DNAJC1: variants seen among roughly 807,000 people sequenced by gnomAD.
The protein encoded by DNAJC1 is DnaJ heat shock protein family (Hsp40) member C1, also known as dnaJ homolog subfamily C member 1.
DNAJC1 carries 58 observed loss-of-function variants against 76.6 expected under a neutral mutation model. That is an observed-to-expected ratio of 0.76 (90% confidence interval 0.61 to 0.94). The LOEUF is 0.94. Ranked by LOEUF, DNAJC1 falls within the 40% of genes least tolerant of loss-of-function variation. The pLI, the probability that DNAJC1 is intolerant of heterozygous loss-of-function variation, is 0.00. For synonymous variants in DNAJC1, 258 were observed against 267.9 expected (o/e 0.96, Z 0.36); for missense variants, 689 against 677.3 (o/e 1.02, Z -0.19).
intron 1 of DNAJC1, among the ~76,000 whole-genome samples, chr10:21,939,943 C>CAAAA (rs374955734): frequency 2.8e-5 from 2 of 70,366 alleles, no homozygotes; most frequent in Non-Finnish European, 5.5e-5. Flanking sequence ...AAACCTCTCT[C>CAAAA]AAAAAAAAAA....
chr10:21,986,411 T>C (rs986686156), intron 1 of DNAJC1, among the ~76,000 whole-genome samples: 6 of 152,208 alleles, frequency 3.9e-5, no homozygotes, highest in Admixed American at 1.3e-4. Context: ...ACTACTACTA[T>C]TGAGTACCTT....
intron 8 of DNAJC1, among the ~76,000 whole-genome samples, chr10:21,839,150 A>G (rs1055978032): frequency 2.0e-5 from 3 of 152,250 alleles, no homozygotes; most frequent in Non-Finnish European, 2.9e-5. Context: ...AGAAAGCAGG[A>G]AAGATCTAAA....
At chr10:21,946,049 CTTTTTTTTTTT>C (rs71510915) in intron 1 of DNAJC1, among the ~76,000 whole-genome samples, 17 of 93,306 alleles carry the variant, frequency 1.8e-4, no homozygotes, top group South Asian at 8.3e-4. Context: ...TTCTTTTCCT[CTTTTTTTTTTT>C]TTTTTTTTTT....
At chr10:21,905,193 G>A (rs1231231975) in intron 6 of DNAJC1, among the ~76,000 whole-genome samples, 1 of 151,546 alleles carries the variant, frequency 6.6e-6, no homozygotes, top group African/African-American at 2.4e-5. Flanking sequence ...CATATACTTA[G>A]GTGTCAAGAT....
At chr10:21,825,968 G>A (rs1400852623) in intron 8 of DNAJC1, among the ~76,000 whole-genome samples, 1 of 152,090 alleles carries the variant, frequency 6.6e-6, no homozygotes, top group East Asian at 1.9e-4. Context: ...GCTGCAGTGT[G>A]GCTCATGCCT....
intron 9 of DNAJC1, 26 bp from the exon 10 acceptor site, chr10:21,766,335 T>C (rs1423767802): frequency 6.2e-7 from 1 of 1,602,990 alleles, no homozygotes; most frequent in East Asian, 2.2e-5. Context: ...AAAGCAAAAA[T>C]CTTACTTTCC....
intron 8 of DNAJC1, among the ~76,000 whole-genome samples, chr10:21,815,879 G>C (rs1835067071): frequency 6.6e-6 from 1 of 151,558 alleles, no homozygotes; most frequent in Non-Finnish European, 1.5e-5. Flanking sequence ...CCGAGTAGCT[G>C]GGATCACAGG....
intron 1 of DNAJC1, among the ~76,000 whole-genome samples, chr10:21,995,182 G>A (rs537409219): frequency 6.6e-6 from 1 of 152,052 alleles, no homozygotes; most frequent in South Asian, 2.1e-4. Flanking sequence ...AACCTGACCT[G>A]TTTTAATGGT....
In DNAJC1 at chr10:21,982,367, G is replaced by A. The variant is rs967284673; in HGVS notation, c.222+20846C>T. Among the ~76,000 whole-genome samples the A allele has an allele frequency of 2.6e-5, 4 of 151,586 alleles. No individual in the cohort carries two copies. The East Asian group carries it at 7.7e-4, about 29-fold the overall frequency. ...GGTGATGATTTTTTGATATGACAGA[G>A]GTACAGGCAAAAAAAAGAAAAAAAT... On this transcript the variant is annotated intron_variant, in intron 1 of 11. Coordinates refer to ENST00000376980, the MANE Select transcript of DNAJC1 (RefSeq NM_022365.4).
chr10:21,963,075 C>A (rs781267297), intron 1 of DNAJC1, among the ~76,000 whole-genome samples: 6 of 152,108 alleles, frequency 3.9e-5, no homozygotes, highest in Non-Finnish European at 5.9e-5. Context: ...CTCCTAAGAA[C>A]CCGTTTCTTT....
At chr10:21,829,596 C>G (rs1028806935) in intron 8 of DNAJC1, among the ~76,000 whole-genome samples, 1 of 152,228 alleles carries the variant, frequency 6.6e-6, no homozygotes, top group Non-Finnish European at 1.5e-5. Context: ...AGGTGATCCA[C>G]CTGCCTCGGC....
chr10:21,982,018 G>A (rs1838166618), intron 1 of DNAJC1, among the ~76,000 whole-genome samples: 1 of 152,106 alleles, frequency 6.6e-6, no homozygotes, highest in Non-Finnish European at 1.5e-5. Context: ...TGTCAAATTG[G>A]TTTCACCAGA....
At chr10:21,940,705 A>C (rs1387402203) in intron 1 of DNAJC1, among the ~76,000 whole-genome samples, 2 of 152,178 alleles carry the variant, frequency 1.3e-5, no homozygotes, top group East Asian at 3.9e-4. Flanking sequence ...CGTTCTCCAA[A>C]ATATAGATAA....
Position 21,756,750 on chromosome 10 carries a change from G to T in DNAJC1, c.1602C>A (p.Asp534Glu). 1 of 1,613,198 alleles carries T rather than the reference G, an allele frequency of 6.2e-7. No individual in the cohort carries two copies. The highest frequency in any genetic ancestry group is 1.1e-5 in the South Asian group (1 of 91,062). The change falls in exon 12 of 12, where the codon GAC becomes GAA. Residue 534 changes from aspartate (D) to glutamate (E), a missense_variant. Asp to Glu is a conservative substitution (Grantham distance 45). Coordinates refer to ENST00000376980, the MANE Select transcript of DNAJC1 (RefSeq NM_022365.4). ...ARCVPSKSKE[D>E]CIARYKLLVE... is the part of the protein sequence containing the mutation. ...CCAGCAACTTGTACCTAGCGATACA[G>T]TCTTCCTGTAGGAAGAAAAAAAGAG...
chr10:21,999,272 C>T (rs899353107), intron 1 of DNAJC1, among the ~76,000 whole-genome samples: 11 of 152,138 alleles, frequency 7.2e-5, no homozygotes, highest in Non-Finnish European at 2.9e-5. Flanking sequence ...TTAATTCCAA[C>T]GGTGAAGTCT....
intron 1 of DNAJC1, among the ~76,000 whole-genome samples, chr10:22,001,776 G>A (rs979918967): frequency 2.6e-5 from 4 of 152,114 alleles, no homozygotes; most frequent in South Asian, 2.1e-4. Context: ...CTCTCTTTAC[G>A]TACAGAATGT....
rs199607667 is a variant in DNAJC1 at position 21,948,676 on chromosome 10, T to TA, written c.223-19536dup. The stretch of plus-strand genomic sequence containing the variant: ...TTATTCCTGTTAATCTTATTGTGCC[T>TA]AATTTATAAATTGAACTTTATCATA... On this transcript the variant is annotated intron_variant, in intron 1 of 11. Coordinates refer to ENST00000376980, the MANE Select transcript of DNAJC1 (RefSeq NM_022365.4). Among the ~76,000 whole-genome samples the TA allele has an allele frequency of 9.4e-4, 143 of 152,362 alleles. 3 individuals are homozygous for TA. In the East Asian group the frequency reaches 0.027, roughly 28 times the overall value.
intron 9 of DNAJC1, among the ~76,000 whole-genome samples, chr10:21,769,783 TTCAAGCAATTC>T (rs1188195084): frequency 6.6e-6 from 1 of 152,084 alleles, no homozygotes; most frequent in Non-Finnish European, 1.5e-5. Context: ...GCCTCCCAGG[TTCAAGCAATTC>T]TCCTGCCTCA....
chr10:21,862,117 C>T (rs1307249554), intron 8 of DNAJC1, among the ~76,000 whole-genome samples: 1 of 151,992 alleles, frequency 6.6e-6, no homozygotes, highest in Non-Finnish European at 1.5e-5. Context: ...GGGGTTTCTC[C>T]TTGTTGTTTA....
Sources: gnomAD v4.1 joint callset for allele counts (sites outside exome capture counted in the v4.1 genomes callset) on GRCh38, gnomAD v4.1.1 for gene constraint, MANE v1.5 for transcripts, NCBI Gene and HGNC (gene_info 2026-07-23, HGNC 2026-07-21) for gene names.